Variants in IL1RAPL2 observed in about 807,000 individuals in gnomAD.
IL1RAPL2 encodes the protein X-linked interleukin-1 receptor accessory protein-like 2.
A neutral mutation model predicts 44.1 loss-of-function variants in IL1RAPL2; 3 were observed. That is an observed-to-expected ratio of 0.07 (90% confidence interval 0.03 to 0.18). IL1RAPL2 has a LOEUF of 0.18. Among genes scored for constraint, IL1RAPL2 ranks in the 10% least tolerant of loss-of-function variants. IL1RAPL2 has a pLI of 1.00. For synonymous variants in IL1RAPL2, 181 were observed against 178.8 expected (o/e 1.01, Z -0.10); for missense variants, 391 against 496.4 (o/e 0.79, Z 2.02).
At chrX:104,639,758 A>G (rs774656043) in intron 1 of IL1RAPL2, among the ~76,000 whole-genome samples, 1 of 111,576 alleles carries the variant, frequency 9.0e-6, no homozygotes, top group African/African-American at 3.3e-5. Context: ...TCCTTCATTT[A>G]TGAAGGATAC....
At chrX:104,935,139 C>T (rs1924996760) in intron 2 of IL1RAPL2, among the ~76,000 whole-genome samples, 1 of 112,208 alleles carries the variant, frequency 8.9e-6, no homozygotes, top group African/African-American at 3.2e-5. Flanking sequence ...CTAGATTGTT[C>T]ATAATTTTTT....
At chrX:105,766,816 T>C in intron 10 of IL1RAPL2, 148 bp from the exon 11 acceptor site, 1 of 376,967 alleles carries the variant, frequency 2.7e-6, no homozygotes, top group South Asian at 7.9e-5. Flanking sequence ...TTTTTCAGTT[T>C]TAAGGAGGGG....
At chrX:105,307,266 A>C (rs1428283082) in intron 5 of IL1RAPL2, among the ~76,000 whole-genome samples, 4 of 97,964 alleles carry the variant, frequency 4.1e-5, no homozygotes, top group African/African-American at 1.5e-4. Flanking sequence ...ATCTCTCCCA[A>C]AAAAAAAATT....
intron 9 of IL1RAPL2, among the ~76,000 whole-genome samples, chrX:105,752,716 G>C (rs1027158447): frequency 1.4e-4 from 16 of 112,147 alleles, no homozygotes; most frequent in Admixed American, 1.4e-3. Flanking sequence ...TCCTCTTTGT[G>C]AGCAACAGCT....
chrX:104,824,133 A>G (rs952551155), intron 2 of IL1RAPL2, among the ~76,000 whole-genome samples: 1 of 111,987 alleles, frequency 8.9e-6, no homozygotes, highest in Non-Finnish European at 1.9e-5. Flanking sequence ...TTTCTGCATC[A>G]ATTGAGATAA....
intron 2 of IL1RAPL2, among the ~76,000 whole-genome samples, chrX:105,022,506 A>T (rs973816921): frequency 3.6e-5 from 4 of 111,486 alleles, no homozygotes; most frequent in African/African-American, 1.3e-4. Flanking sequence ...GAAGTTTAAA[A>T]CTTAACACTC....
intron 6 of IL1RAPL2, among the ~76,000 whole-genome samples, chrX:105,703,033 T>C (rs2038132988): frequency 8.9e-6 from 1 of 111,753 alleles, no homozygotes; most frequent in Non-Finnish European, 1.9e-5. Context: ...TGTTTCTAAG[T>C]GTGGGAAGGT....
At chrX:105,579,346 TTTTC>T (rs1289240418) in intron 6 of IL1RAPL2, among the ~76,000 whole-genome samples, 1 of 111,571 alleles carries the variant, frequency 9.0e-6, no homozygotes, top group Non-Finnish European at 1.9e-5. Flanking sequence ...ACCAAGCATA[TTTTC>T]TTTTATATGC....
rs998921017 is a variant in IL1RAPL2, at chrX:105,510,773, C to T, written c.772+26386C>T. ...ACTAGCCAAGGATTGTGGCAGCTAC[C>T]GGAAGCTGGATAAAACAAGAAAACA... On this transcript the variant is annotated intron_variant, in intron 6 of 10. Transcript: ENST00000372582. 5.4e-5 allele frequency among the ~76,000 whole-genome samples: 6 copies of T among 111,250 alleles called. 1 individual carries two copies. The highest frequency in any genetic ancestry group is 8.4e-3 in the Middle Eastern group (2 of 238).
intron 5 of IL1RAPL2, among the ~76,000 whole-genome samples, chrX:105,427,454 A>G (rs1442312410): frequency 8.9e-6 from 1 of 111,924 alleles, no homozygotes; most frequent in African/African-American, 3.2e-5. Flanking sequence ...ACTTTAGGAT[A>G]TATTGCTTCT....
chrX:105,172,188 G>A (rs2033429688), intron 2 of IL1RAPL2, among the ~76,000 whole-genome samples: 1 of 112,567 alleles, frequency 8.9e-6, no homozygotes, highest in African/African-American at 3.2e-5. Context: ...GATGAGGAGA[G>A]GAACTGATAT....
chrX:105,307,022 A>G (rs1351908577), intron 5 of IL1RAPL2, among the ~76,000 whole-genome samples: 2 of 110,946 alleles, frequency 1.8e-5, no homozygotes, highest in Non-Finnish European at 3.8e-5. Context: ...GTGCGTGCAC[A>G]TGCAAGAGAG....
chrX:104,895,672 G>A (rs917693788), intron 2 of IL1RAPL2, among the ~76,000 whole-genome samples: 2 of 111,822 alleles, frequency 1.8e-5, no homozygotes, highest in Admixed American at 9.5e-5. Context: ...GATTTTCCAG[G>A]TGCTGTCTGT....
chrX:104,951,039 G>A (rs1197221291), intron 2 of IL1RAPL2, among the ~76,000 whole-genome samples: 1 of 111,754 alleles, frequency 8.9e-6, no homozygotes, highest in Non-Finnish European at 1.9e-5. Context: ...GCTTCGGCTC[G>A]CTCAGGGTGC....
intron 2 of IL1RAPL2, among the ~76,000 whole-genome samples, chrX:104,659,703 T>C (rs1161964930): frequency 8.9e-6 from 1 of 112,360 alleles, no homozygotes; most frequent in Non-Finnish European, 1.9e-5. Context: ...CTGTAATCAT[T>C]CCAGTAAGAC....
rs771690774 is a variant in IL1RAPL2 at position 104,745,222 on chromosome X, G to GT, written c.82+86233dup. On this transcript the variant is annotated intron_variant, in intron 2 of 10. Coordinates refer to ENST00000372582, the MANE Select transcript of IL1RAPL2 (RefSeq NM_017416.2). Reference sequence around the variant, plus strand: ...TTTACGTGCTTTATGCTGTGAAGAGGTTTTTTAAAAAGAAAGATCCATCTC... The same window carrying GT: ...TTTACGTGCTTTATGCTGTGAAGAGGTTTTTTTAAAAAGAAAGATCCATCTC... Among the ~76,000 whole-genome samples the GT allele has an allele frequency of 4.5e-5, 5 of 110,834 alleles. No individual in the cohort carries two copies. The East Asian group carries it at 1.4e-3, about 32-fold the overall frequency.
At chrX:104,827,399 C>G (rs749649179) in intron 2 of IL1RAPL2, among the ~76,000 whole-genome samples, 12 of 111,170 alleles carry the variant, frequency 1.1e-4, no homozygotes, top group Non-Finnish European at 1.7e-4. Context: ...AGTTTGGCTT[C>G]ATATGAAATT....
intron 2 of IL1RAPL2, among the ~76,000 whole-genome samples, chrX:104,946,401 A>AAAAAAAAG: frequency 1.0e-5 from 1 of 95,853 alleles, no homozygotes; most frequent in African/African-American, 3.8e-5. Context: ...AAAAAAAAAA[A>AAAAAAAAG]AAAAAAAACT....
At chrX:105,290,487 C>G (rs924327395) in intron 5 of IL1RAPL2, among the ~76,000 whole-genome samples, 2 of 111,249 alleles carry the variant, frequency 1.8e-5, no homozygotes, top group African/African-American at 6.5e-5. Flanking sequence ...GAAATACTCA[C>G]AGAGCTGAAA....
Sources: allele counts gnomAD v4.1 joint callset (sites outside exome capture counted in the v4.1 genomes callset), GRCh38; gene constraint gnomAD v4.1.1; transcripts MANE v1.5; gene names NCBI Gene and HGNC (gene_info 2026-07-23, HGNC 2026-07-21).